The following FBXL18 variants were observed in gnomAD, a reference collection of about 807,000 sequenced individuals.
FBXL18 encodes F-box/LRR-repeat protein 18.
A neutral mutation model predicts 46.0 loss-of-function variants in FBXL18; 36 were observed. That is an observed-to-expected ratio of 0.78 (90% confidence interval 0.60 to 1.03). The LOEUF (loss-of-function observed/expected upper bound fraction) is 1.03, where lower values mean the gene tolerates loss of function less well. FBXL18 is among the 50% of genes least tolerant of loss of function. FBXL18 has a pLI of 0.00. For synonymous variants in FBXL18, 557 were observed against 465.3 expected, an observed-to-expected ratio of 1.20 and a Z score of -2.54; for missense variants, 977 against 1,004.1, an observed-to-expected ratio of 0.97 and a Z score of 0.36.
chr7:5,513,646 G>C lies in FBXL18; in HGVS notation c.18+11C>G. ...AGGCAGAAGCAGAGCGGAGACAGTC[G>C]CGGACAGTACCTCTCCGGAGCTGGC... On this transcript the variant is annotated intron_variant, in intron 1 of 4. Transcript: ENST00000382368. 1 of 1,611,918 alleles carries C rather than the reference G, an allele frequency of 6.2e-7. No individual in the cohort carries two copies. The highest frequency in any genetic ancestry group is 8.5e-7 in the Non-Finnish European group (1 of 1,179,046).
chr7:5,510,302 C>CCAAAA (rs1562709255), intron 1 of FBXL18, among the ~76,000 whole-genome samples: 1 of 77,596 alleles, frequency 1.3e-5, no homozygotes, highest in Admixed American at 1.5e-4. Context: ...GACTCTGTCT[C>CCAAAA]AAAAAAAAAA....
chr7:5,458,489 C>T (rs1206452356), intron 4 of FBXL18, among the ~76,000 whole-genome samples: 11 of 151,826 alleles, frequency 7.2e-5, no homozygotes, highest in Non-Finnish European at 1.3e-4. Flanking sequence ...CACGAGATCA[C>T]GAGTTCGAGA....
intron 4 of FBXL18, among the ~76,000 whole-genome samples, chr7:5,469,227 C>T (rs1243995442): frequency 2.0e-5 from 3 of 152,160 alleles, no homozygotes; most frequent in African/African-American, 7.2e-5. Flanking sequence ...GACTGGCCAA[C>T]ATGGTGAAAC....
At chr7:5,505,707 G>A (rs750659687) in intron 1 of FBXL18, 77 bp from the exon 2 acceptor site, 2 of 1,197,256 alleles carry the variant, frequency 1.7e-6, no homozygotes, top group Non-Finnish European at 2.4e-6. Flanking sequence ...AGGCAGAGAA[G>A]CAAAGAGAAG....
At chr7:5,469,368 T>C (rs558243164) in intron 4 of FBXL18, among the ~76,000 whole-genome samples, 560 of 152,290 alleles carry the variant, frequency 3.7e-3, no homozygotes, top group South Asian at 8.9e-3. Context: ...GCTGAGATCG[T>C]GCCACTGCAC....
intron 4 of FBXL18, among the ~76,000 whole-genome samples, chr7:5,463,198 G>A (rs57842843): frequency 0.23 from 34,716 of 150,690 alleles, 4,925 homozygotes; most frequent in East Asian, 0.76. Flanking sequence ...AAATATTGCT[G>A]GTGGGAATAT....
In FBXL18 at chr7:5,491,217, C is replaced by T; in HGVS notation, c.2000+14G>A. On this transcript the variant is annotated intron_variant, in intron 4 of 4. Transcript: ENST00000382368. ...CTGCGGCCCCTGAAGCTGTACGCAACCCACATCACTCACCTGCGGAGAAGC... is the reference window on the plus strand; with the variant it reads ...CTGCGGCCCCTGAAGCTGTACGCAATCCACATCACTCACCTGCGGAGAAGC... 6.2e-6 allele frequency: 10 copies of T among 1,603,446 alleles called. No homozygotes were observed. The highest frequency in any genetic ancestry group is 8.5e-6 in the Non-Finnish European group (10 of 1,174,890).
intron 4 of FBXL18, among the ~76,000 whole-genome samples, chr7:5,458,281 C>G (rs919575306): frequency 6.6e-6 from 1 of 152,172 alleles, no homozygotes; most frequent in Non-Finnish European, 1.5e-5. Flanking sequence ...AGAGAGGTTT[C>G]TGGCCACCCA....
chr7:5,470,929 TG>T (rs1208743422), downstream of FBXL18, among the ~76,000 whole-genome samples: 1 of 152,072 alleles, frequency 6.6e-6, no homozygotes, highest in African/African-American at 2.4e-5. Flanking sequence ...CCTGTGTCCT[TG>T]CCAATGGTAT....
chr7:5,493,567 T>C (rs543473087), intron 3 of FBXL18, among the ~76,000 whole-genome samples: 2 of 152,202 alleles, frequency 1.3e-5, no homozygotes, highest in Middle Eastern at 3.4e-3. Flanking sequence ...AGTGCTGGGA[T>C]TACAGGCGTG....
At chr7:5,467,764 T>C (rs1057358538) in intron 4 of FBXL18, among the ~76,000 whole-genome samples, 1 of 152,144 alleles carries the variant, frequency 6.6e-6, no homozygotes, top group African/African-American at 2.4e-5. Flanking sequence ...GAGTCTCTTC[T>C]AAAGAAACAA....
At chr7:5,506,553 CTTTT>C in intron 1 of FBXL18, among the ~76,000 whole-genome samples, 1 of 138,898 alleles carries the variant, frequency 7.2e-6, no homozygotes, top group African/African-American at 2.7e-5. Flanking sequence ...CCATGCCCGG[CTTTT>C]TTTTTTTTTT....
Position 5,501,557 on chromosome 7 carries a change from C to G in FBXL18, c.712G>C (p.Ala238Pro), listed in dbSNP as rs766346057. The change falls in exon 3 of 5, where the codon GCC becomes CCC. Residue 238 changes from alanine to proline, a missense_variant. Transcript: ENST00000382368. ...QNLRVFYARL[A>P]PGYINQEVVR... ...ACCTCCTGGTTGATGTAGCCGGGGG[C>G]CAGGCGCGCATAGAAGACCCGCAGG... 1.2e-6 allele frequency: 2 copies of G among 1,613,816 alleles called. No individual in the cohort carries two copies. Among genetic ancestry groups the G allele is most frequent in the East Asian group, 4.5e-5 (2 of 44,870 alleles).
chr7:5,481,129 A>G lies in FBXL18; in HGVS notation c.*646T>C, dbSNP rs1783634318. The G allele has an allele frequency of 6.6e-6, 1 of 152,232 alleles. No homozygotes were observed. The highest frequency in any genetic ancestry group is 2.1e-4 in the South Asian group (1 of 4,826). The allele number at this position is 152,232 out of a possible 1,614,324, so 9.4% of individuals were successfully genotyped here. On this transcript the variant is annotated 3_prime_UTR_variant, in exon 5 of 5. Coordinates refer to ENST00000382368, the MANE Select transcript of FBXL18 (RefSeq NM_024963.6). ...AGGAGAGGCTCCAACCAGCAGTCCC[A>G]ACCTCAGGGGACCTCTCTGGGGCCA...
At position 5,501,075 on chromosome 7, in the gene FBXL18, C is replaced by A. The variant is rs773582690; in HGVS notation, c.1194G>T (p.Ser398=). 8.1e-6 allele frequency: 13 copies of A among 1,611,062 alleles called. No individual in the cohort carries two copies. Among genetic ancestry groups the A allele is most frequent in the Non-Finnish European group, 1.0e-5 (12 of 1,179,536 alleles). The part of the protein sequence containing the change: ...LNLSAAHHHS[S]EGLGRHLCQL... ...GGCAGAGGTGGCGGCCCAGGCCCTC[C>A]GAGCTGTGGTGGTGGGCGGCCGAGA... Residue 398 remains serine (S), a synonymous_variant, in exon 3 of 5, where the codon TCG becomes TCT. Coordinates refer to ENST00000382368, the MANE Select transcript of FBXL18 (RefSeq NM_024963.6).
chr7:5,491,496 G>A (rs752277076), intron 3 of FBXL18, 47 bp from the exon 4 acceptor site: 1 of 1,481,326 alleles, frequency 6.8e-7, no homozygotes, highest in Non-Finnish European at 9.1e-7. Context: ...GGGGCTCGCA[G>A]GCCAGGCCAG....
In FBXL18 at chr7:5,478,583, G is replaced by A. The variant is rs755499853; in HGVS notation, c.*3192C>T. 2.6e-5 allele frequency: 4 copies of A among 152,468 alleles called. No homozygotes were observed. The highest frequency in any genetic ancestry group is 5.9e-5 in the Non-Finnish European group (4 of 68,216). 9.4% of individuals were successfully genotyped at this position (152,468 alleles called of 1,614,324 possible). A position where few individuals can be genotyped will look rare whatever the true frequency, so the allele number is the denominator to read the frequency against. On this transcript the variant is annotated 3_prime_UTR_variant, in exon 5 of 5. Coordinates refer to ENST00000382368, the MANE Select transcript of FBXL18 (RefSeq NM_024963.6). ...GCACAGGCAGGAGGGGGCAGCCAGA[G>A]AGGTTGGGGCTCTCCCTTTTAAAGA...
chr7:5,467,213 C>T (rs779337238), intron 4 of FBXL18, among the ~76,000 whole-genome samples: 17 of 152,142 alleles, frequency 1.1e-4, no homozygotes, highest in South Asian at 2.1e-4. Context: ...TAGCCAGGCG[C>T]GGTGGCGAGC....
Position 5,476,661 on chromosome 7 carries a change from GT to G in FBXL18, c.*5113del, listed in dbSNP as rs1783522461. On this transcript the variant is annotated 3_prime_UTR_variant, in exon 5 of 5. Coordinates refer to ENST00000382368, the MANE Select transcript of FBXL18 (RefSeq NM_024963.6). Reference sequence around the variant, plus strand: ...TTTTTTTATTTTATGTAGCGATACAGTCTCACTATGTTGCCCAGGCTGGTCT... The same window carrying G: ...TTTTTTTATTTTATGTAGCGATACAGCTCACTATGTTGCCCAGGCTGGTCT... The G allele has an allele frequency of 6.6e-6, 1 of 151,644 alleles. No homozygotes were observed. The highest frequency in any genetic ancestry group is 1.5e-5 in the Non-Finnish European group (1 of 68,044). The allele number at this position is 151,644 out of a possible 1,614,324, so 9.4% of individuals were successfully genotyped here. A position where few individuals can be genotyped will look rare whatever the true frequency, so the allele number is the denominator to read the frequency against.
Sources: allele counts gnomAD v4.1 joint callset (sites outside exome capture counted in the v4.1 genomes callset), GRCh38; gene constraint gnomAD v4.1.1; transcripts MANE v1.5; gene names NCBI Gene and HGNC (gene_info 2026-07-23, HGNC 2026-07-21).